Variants in FMO5 observed in about 807,000 individuals in gnomAD.
FMO5 encodes the protein flavin containing dimethylaniline monoxygenase 5.
A neutral mutation model predicts 43.6 loss-of-function variants in FMO5; 51 were observed. The ratio of observed to expected loss-of-function variants is 1.17; its 90% CI spans 0.93 to 1.48. FMO5 has a LOEUF of 1.48. Ranked by LOEUF, FMO5 falls within the 40% of genes most tolerant of loss-of-function variation. The pLI, the probability that FMO5 is intolerant of heterozygous loss-of-function variation, is 0.00. For synonymous variants in FMO5, 187 were observed against 216.5 expected (o/e 0.86, Z 1.20); for missense variants, 644 against 643.0 (o/e 1.00, Z -0.02).
At chr1:147,184,616 T>C (rs1553916699), downstream of FMO5, 1 of 1,546,270 alleles carries the variant, frequency 6.5e-7, no homozygotes, top group South Asian at 1.2e-5. The surrounding 1 kb of genome is among the most constrained non-coding windows in gnomAD (Gnocchi z 4.4). Flanking sequence ...GTCTGATGTT[T>C]TTCTCATGGT....
intron 6 of FMO5, 115 bp downstream of exon 6, chr1:147,208,737 C>A: frequency 3.6e-6 from 3 of 825,420 alleles, no homozygotes; most frequent in Non-Finnish European, 5.9e-6. Flanking sequence ...CCATGCCCAG[C>A]CACTGTGGGT....
At chr1:147,204,469 C>G (rs782185053) in intron 6 of FMO5, 12 of 1,452,490 alleles carry the variant, frequency 8.3e-6, no homozygotes, top group East Asian at 2.3e-5. Context: ...ATCAACATCT[C>G]GAAGGTTTTT....
At chr1:147,190,862 T>A (rs28745890) in intron 7 of FMO5, among the ~76,000 whole-genome samples, 2,625 of 151,436 alleles carry the variant, frequency 0.017, 87 homozygotes, top group African/African-American at 0.061. Flanking sequence ...GTCCCTGGAG[T>A]GTGATGTTCC....
intron 6 of FMO5, among the ~76,000 whole-genome samples, chr1:147,205,295 A>C (rs1659789143): frequency 6.6e-6 from 1 of 152,186 alleles, no homozygotes. Context: ...AACGGGAAAA[A>C]ATATCTTTAT....
Position 147,202,476 on chromosome 1 carries a change from T to C in FMO5, c.831-972A>G, listed in dbSNP as rs202006501. On this transcript the variant is annotated intron_variant, in intron 6 of 8. Coordinates refer to ENST00000254090, the MANE Select transcript of FMO5 (RefSeq NM_001461.4). ...CTTGGACTACAGGCACCTGCCACCA[T>C]GCCTGGCTAATTTTTGTATTTTTAG... Among the ~76,000 whole-genome samples the C allele has an allele frequency of 5.1e-4, 77 of 152,058 alleles. No homozygotes were observed. The East Asian group carries it at 0.014, about 27-fold the overall frequency.
intron 3 of FMO5, chr1:147,215,076 G>T (rs1161645221): frequency 2.0e-5 from 3 of 152,224 alleles, no homozygotes; most frequent in African/African-American, 7.2e-5. Context: ...TTCTTTTATG[G>T]TCATGATCAG....
At chr1:147,188,289 G>A (rs1160112231) in intron 8 of FMO5, among the ~76,000 whole-genome samples, 4 of 151,990 alleles carry the variant, frequency 2.6e-5, no homozygotes, top group Non-Finnish European at 2.9e-5. Flanking sequence ...TTGGGAGGCC[G>A]AGGCAGGCGG....
chr1:147,188,090 T>G (rs587717878), intron 8 of FMO5, among the ~76,000 whole-genome samples: 1 of 152,212 alleles, frequency 6.6e-6, no homozygotes, highest in Non-Finnish European at 1.5e-5. Context: ...AAGTAGGAAT[T>G]TATTGAAATG....
In FMO5 at chr1:147,213,374, A is replaced by C. The variant is rs782606292; in HGVS notation, c.421T>G (p.Phe141Val). 3.1e-6 allele frequency: 5 copies of C among 1,613,632 alleles called. No homozygotes were observed. Among genetic ancestry groups the C allele is most frequent in the Non-Finnish European group, 4.2e-6 (5 of 1,179,832 alleles). The part of the protein sequence containing the change: ...ESEGKKEMNV[F>V]DGVMVCTGHH... Reference sequence around the variant, plus strand: ...CCAGTGCAAACCATGACTCCATCAAAGACATTCATCTCCTTTTTCCCTTCA... The same window carrying C: ...CCAGTGCAAACCATGACTCCATCAACGACATTCATCTCCTTTTTCCCTTCA... Residue 141 changes from phenylalanine to valine, a missense_variant, in exon 4 of 9, where the codon TTT becomes GTT. Coordinates refer to ENST00000254090, the MANE Select transcript of FMO5 (RefSeq NM_001461.4).
At chr1:147,204,553 T>C (rs1193740052) in intron 6 of FMO5, 1 of 1,584,872 alleles carries the variant, frequency 6.3e-7, no homozygotes, top group African/African-American at 1.3e-5. Context: ...TTCTATGACC[T>C]CTGAAACTGA....
chr1:147,203,131 G>A (rs1659344064), intron 6 of FMO5: 2 of 359,940 alleles, frequency 5.6e-6, no homozygotes, highest in Non-Finnish European at 4.8e-6. Flanking sequence ...TTTTTTGACA[G>A]TAACAATATG....
intron 7 of FMO5, among the ~76,000 whole-genome samples, chr1:147,196,387 C>T (rs1658006304): frequency 6.6e-6 from 1 of 151,898 alleles, no homozygotes; most frequent in Non-Finnish European, 1.5e-5. Context: ...AGTCAATTTC[C>T]AAATTACTTC....
At chr1:147,203,407 T>C in intron 6 of FMO5, 1 of 931,288 alleles carries the variant, frequency 1.1e-6, no homozygotes, top group Non-Finnish European at 1.8e-6. Context: ...GATAGACCAG[T>C]GTTTTCCCAG....
At chr1:147,212,724 C>T (rs1277484465) in intron 4 of FMO5, among the ~76,000 whole-genome samples, 189 bp from the exon 5 acceptor site, 1 of 152,000 alleles carries the variant, frequency 6.6e-6, no homozygotes, top group Non-Finnish European at 1.5e-5. Flanking sequence ...AGAGTAGTAC[C>T]TTGTGATTTC....
Position 147,204,439 on chromosome 1 carries a change from C to T in FMO5, c.831-2935G>A, listed in dbSNP as rs587604860. 5.5e-3 allele frequency: 6,865 copies of T among 1,245,820 alleles called. 34 individuals are homozygous for T. The highest frequency in any genetic ancestry group is 7.0e-3 in the Non-Finnish European group (5,876 of 844,156). 77.2% of individuals were successfully genotyped at this position (1,245,820 alleles called of 1,614,324 possible). Reference sequence around the variant, plus strand: ...ATATTGTTTACACATTACAGAGGTACGAAGTAGAGATGAGACTTCATCAAC... The same window carrying T: ...ATATTGTTTACACATTACAGAGGTATGAAGTAGAGATGAGACTTCATCAAC... On this transcript the variant is annotated intron_variant, in intron 6 of 8. Transcript: ENST00000254090.
chr1:147,214,234 C>T (rs1661557914), intron 3 of FMO5, among the ~76,000 whole-genome samples: 1 of 151,898 alleles, frequency 6.6e-6, no homozygotes, highest in Non-Finnish European at 1.5e-5. Flanking sequence ...GGTGAATCAC[C>T]CGAGGTCAGG....
intron 6 of FMO5, among the ~76,000 whole-genome samples, chr1:147,205,754 C>T (rs1347528364): frequency 6.6e-6 from 1 of 152,118 alleles, no homozygotes; most frequent in African/African-American, 2.4e-5. Flanking sequence ...ACACCTTATA[C>T]AAAAATTAAT....
chr1:147,222,334 C>T (rs1399920725), intron 2 of FMO5, among the ~76,000 whole-genome samples: 8 of 152,154 alleles, frequency 5.3e-5, no homozygotes, highest in Admixed American at 5.2e-4. Context: ...CGCCACTATA[C>T]TCCAGCCTGG....
chr1:147,207,486 A>T (rs1335694556), intron 6 of FMO5, among the ~76,000 whole-genome samples: 2 of 152,334 alleles, frequency 1.3e-5, no homozygotes, highest in Admixed American at 6.5e-5. Flanking sequence ...TTGTACTTTC[A>T]TAACACTGTA....
Sources: allele counts gnomAD v4.1 joint callset (sites outside exome capture counted in the v4.1 genomes callset), GRCh38; gene constraint gnomAD v4.1.1; non-coding constraint Gnocchi (gnomAD v3.1); transcripts MANE v1.5; gene names NCBI Gene and HGNC (gene_info 2026-07-23, HGNC 2026-07-21).